The following CACNA1A variants were observed in gnomAD, a reference collection of about 807,000 sequenced individuals.
CACNA1A encodes the protein voltage-dependent P/Q-type calcium channel subunit alpha-1A.
CACNA1A carries 57 observed loss-of-function variants against 262.4 expected under a neutral mutation model. That is an observed-to-expected ratio of 0.22 (90% CI 0.18 to 0.27). The LOEUF (loss-of-function observed/expected upper bound fraction) is 0.27. CACNA1A is among the 10% of genes least tolerant of loss of function. The pLI, the probability that CACNA1A is intolerant of heterozygous loss-of-function variation, is 1.00. For missense variants in CACNA1A, 2,526 were observed against 3,562.8 expected (o/e 0.71, Z 7.41); for synonymous variants, 1,431 against 1,419.3 (o/e 1.01, Z -0.18).
intron 3 of CACNA1A, among the ~76,000 whole-genome samples, chr19:13,380,745 GTTTGTTTA>G (rs778418366): frequency 0.046 from 6,545 of 142,652 alleles, 179 homozygotes; most frequent in Non-Finnish European, 0.054. Flanking sequence ...TTGTTTGTTT[GTTTGTTTA>G]TTTATTTATT....
At chr19:13,430,088 A>G (rs2060480465) in intron 3 of CACNA1A, among the ~76,000 whole-genome samples, 1 of 151,760 alleles carries the variant, frequency 6.6e-6, no homozygotes, top group South Asian at 2.1e-4. Flanking sequence ...AAGATGCAAA[A>G]GTTCTGGAGA....
chr19:13,233,195 C>A (rs147057354), intron 34 of CACNA1A, among the ~76,000 whole-genome samples: 102 of 152,226 alleles, frequency 6.7e-4, no homozygotes, highest in African/African-American at 2.4e-3. Flanking sequence ...GGCCTTTACA[C>A]AGGCAGTCCC....
chr19:13,365,254 C>G (rs1173192910), intron 5 of CACNA1A, 63 bp downstream of exon 5: 1 of 1,455,784 alleles, frequency 6.9e-7, no homozygotes, highest in Admixed American at 1.8e-5. Context: ...CCTGCCTAAT[C>G]CTCCCAAGAG....
At chr19:13,445,882 CAAG>C (rs1488981474) in intron 3 of CACNA1A, among the ~76,000 whole-genome samples, 2 of 152,170 alleles carry the variant, frequency 1.3e-5, no homozygotes, top group Non-Finnish European at 2.9e-5. Context: ...AAACTTCACC[CAAG>C]AAGAAGGTAA....
rs749868505 is a variant in CACNA1A, at chr19:13,497,577, T to TATAA, written c.293+8351_293+8354dup. 3.7e-4 allele frequency among the ~76,000 whole-genome samples: 8 copies of TATAA among 21,540 alleles called. 2 individuals carry two copies. Among genetic ancestry groups the TATAA allele is most frequent in the African/African-American group, 9.0e-4 (3 of 3,316 alleles). The allele number at this position is 21,540 out of a possible 152,430, so 14.1% of individuals were successfully genotyped here. On this transcript the variant is annotated intron_variant, in intron 1 of 46. Transcript: ENST00000360228. ...ATATATATATATATATATATATATA[T>TATAA]ATAAATTTATGTTGTTAAAGCTGGG...
At chr19:13,444,336 G>A (rs1451631977) in intron 3 of CACNA1A, among the ~76,000 whole-genome samples, 1 of 152,140 alleles carries the variant, frequency 6.6e-6, no homozygotes, top group Non-Finnish European at 1.5e-5. Context: ...TTAGAATGCT[G>A]GTTGTGTTTT....
At chr19:13,393,930 C>T (rs1248876400) in intron 3 of CACNA1A, among the ~76,000 whole-genome samples, 2 of 151,938 alleles carry the variant, frequency 1.3e-5, no homozygotes. Flanking sequence ...ATTCTCCTGC[C>T]TCAGCCTCAC....
At chr19:13,238,593 G>GTTTTT (rs1437389050) in intron 31 of CACNA1A, among the ~76,000 whole-genome samples, 3 of 25,160 alleles carry the variant, frequency 1.2e-4, no homozygotes, top group African/African-American at 3.1e-4. Context: ...CTATCACCCA[G>GTTTTT]TATTTTTTTT....
chr19:13,346,666 A>ATT (rs74181823), intron 6 of CACNA1A, among the ~76,000 whole-genome samples: 15 of 8,274 alleles, frequency 1.8e-3, no homozygotes, highest in Admixed American at 2.7e-3. Context: ...ATATATATAT[A>ATT]TTTTTTTTTT....
rs1166733275 is a variant in CACNA1A, at chr19:13,236,221, G to A, written c.4951-491C>T. Among the ~76,000 whole-genome samples, 2 of 151,898 alleles carry A rather than the reference G, an allele frequency of 1.3e-5. No homozygotes were observed. The highest frequency in any genetic ancestry group is 2.4e-5 in the African/African-American group (1 of 41,384). On this transcript the variant is annotated intron_variant, in intron 31 of 46. Coordinates refer to ENST00000360228, the MANE Select transcript of CACNA1A (RefSeq NM_001127222.2). This position sits in a 1 kb window ranked among gnomAD's most constrained non-coding sequence, Gnocchi z 4.6. ...GATGCACAAACACCAGGGCGGGGGT[G>A]GGGGTGGAGGTCGCCAGCACAGTCA...
In CACNA1A at chr19:13,214,275, C is replaced by T. The variant is rs370834253; in HGVS notation, c.5898G>A (p.Arg1966=). The T allele has an allele frequency of 4.8e-5, 78 of 1,611,902 alleles. No homozygotes were observed. Among genetic ancestry groups the T allele is most frequent in the Non-Finnish European group, 6.4e-5 (75 of 1,179,858 alleles). The change falls in exon 40 of 47, where the codon CGG becomes CGA. Residue 1966 remains arginine, a synonymous_variant. Transcript: ENST00000360228. The surrounding 1 kb of genome is among the most constrained non-coding windows in gnomAD (Gnocchi z 4.1). ...CCTGCAGCTTCTTGGCCTTGCTCTG[C>T]CGGTAGTACTCCATGATCATCATGG... The part of the protein sequence containing the change: ...YAAMMIMEYY[R]QSKAKKLQAM...
chr19:13,368,503 A>G (rs986497583), intron 4 of CACNA1A, among the ~76,000 whole-genome samples: 5 of 151,960 alleles, frequency 3.3e-5, no homozygotes, highest in Non-Finnish European at 7.4e-5. Context: ...TGGTTCCACT[A>G]CCATTTTTTT....
At chr19:13,383,957 G>A (rs1476273042) in intron 3 of CACNA1A, among the ~76,000 whole-genome samples, 1 of 152,108 alleles carries the variant, frequency 6.6e-6, no homozygotes, top group Non-Finnish European at 1.5e-5. Context: ...TGGAACTACA[G>A]GCATGCATTA....
chr19:13,240,401 CTG>C (rs554932842), intron 31 of CACNA1A, among the ~76,000 whole-genome samples: 1 of 148,516 alleles, frequency 6.7e-6, no homozygotes, highest in African/African-American at 2.5e-5. Context: ...TGCATAGTGA[CTG>C]TGTGCAGTGA....
chr19:13,405,264 C>T, intron 3 of CACNA1A, among the ~76,000 whole-genome samples: 1 of 152,126 alleles, frequency 6.6e-6, no homozygotes, highest in Non-Finnish European at 1.5e-5. Context: ...GTGATCACAG[C>T]TCACTGTAGC....
At chr19:13,405,974 C>T (rs908804528) in intron 3 of CACNA1A, among the ~76,000 whole-genome samples, 6 of 151,940 alleles carry the variant, frequency 3.9e-5, no homozygotes, top group East Asian at 1.9e-4. Context: ...AATGGGACTT[C>T]GATATTGCCT....
In CACNA1A at chr19:13,368,849, T is replaced by C. The variant is rs926679680; in HGVS notation, c.631+2839A>G. Reference sequence around the variant, plus strand: ...GTCAGGAGATCGAGACCATCCTGGCTAACACGGTGAAACCCCGTCTCTACT... The same window carrying C: ...GTCAGGAGATCGAGACCATCCTGGCCAACACGGTGAAACCCCGTCTCTACT... On this transcript the variant is annotated intron_variant, in intron 4 of 46. Coordinates refer to ENST00000360228, the MANE Select transcript of CACNA1A (RefSeq NM_001127222.2). Among the ~76,000 whole-genome samples, 3 of 133,312 alleles carry C rather than the reference T, an allele frequency of 2.3e-5. 1 individual carries two copies. The highest frequency in any genetic ancestry group is 1.5e-4 in the Admixed American group (2 of 13,670). 87.5% of individuals were successfully genotyped at this position (133,312 alleles called of 152,430 possible).
chr19:13,236,417 A>T lies in CACNA1A; in HGVS notation c.4951-687T>A, dbSNP rs181700131. On this transcript the variant is annotated intron_variant, in intron 31 of 46. Coordinates refer to ENST00000360228, the MANE Select transcript of CACNA1A (RefSeq NM_001127222.2). The surrounding 1 kb of genome is among the most constrained non-coding windows in gnomAD (Gnocchi z 4.6). Reference sequence around the variant, plus strand: ...CCAAGAGGAGCAGCGGCTCGAGCCAATTGGGAGAAGCGGAAGAGCATCTTT... The same window carrying T: ...CCAAGAGGAGCAGCGGCTCGAGCCATTTGGGAGAAGCGGAAGAGCATCTTT... 2.7e-3 allele frequency: 407 copies of T among 153,366 alleles called. 2 individuals carry two copies. The highest frequency in any genetic ancestry group is 9.3e-3 in the African/African-American group (388 of 41,586). 9.5% of individuals were successfully genotyped at this position (153,366 alleles called of 1,614,324 possible).
At chr19:13,486,848 TTCTC>T (rs968758277) in intron 1 of CACNA1A, among the ~76,000 whole-genome samples, 8 of 151,688 alleles carry the variant, frequency 5.3e-5, no homozygotes, top group Non-Finnish European at 1.0e-4. Flanking sequence ...CCACTTTTCT[TTCTC>T]TCTCATCTCT....
Sources: gnomAD v4.1 joint callset for allele counts (sites outside exome capture counted in the v4.1 genomes callset) on GRCh38, gnomAD v4.1.1 for gene constraint, Gnocchi (gnomAD v3.1) non-coding constraint, MANE v1.5 for transcripts, NCBI Gene and HGNC (gene_info 2026-07-23, HGNC 2026-07-21) for gene names.